The following CD274 variants were observed in gnomAD, a reference collection of about 807,000 sequenced individuals.
CD274 encodes the protein CD274 molecule, also known as programmed cell death 1 ligand 1.
In CD274, 8 loss-of-function variants were observed where a neutral mutation model predicts 30.1. The ratio of observed to expected loss-of-function variants is 0.27; its 90% CI spans 0.16 to 0.48. CD274 has a LOEUF of 0.48. CD274 is among the 20% of genes least tolerant of loss of function. The pLI, the probability that CD274 is intolerant of heterozygous loss-of-function variation, is 0.99. For synonymous variants in CD274, 152 were observed against 124.6 expected, an observed-to-expected ratio of 1.22 and a Z score of -1.46; for missense variants, 353 against 346.6, an observed-to-expected ratio of 1.02 and a Z score of -0.15.
chr9:5,459,541 A>G (rs1379938551), intron 3 of CD274, among the ~76,000 whole-genome samples: 1 of 152,214 alleles, frequency 6.6e-6, no homozygotes, highest in Non-Finnish European at 1.5e-5. Context: ...GTGTGGTAAC[A>G]TAGCTTCCCC....
chr9:5,452,387 C>T (rs1586760959), intron 1 of CD274, among the ~76,000 whole-genome samples: 2 of 152,196 alleles, frequency 1.3e-5, no homozygotes, highest in Non-Finnish European at 2.9e-5. Context: ...GTATTAGTTC[C>T]ATAGTGTTAT....
intron 1 of CD274, 99 bp downstream of exon 1, chr9:5,450,695 G>T (rs1270726676): frequency 6.6e-6 from 1 of 152,316 alleles, no homozygotes; most frequent in Non-Finnish European, 1.5e-5. Flanking sequence ...CTTTCTTTGG[G>T]ATGGAGAGAG....
chr9:5,453,497 A>G (rs907831553), intron 1 of CD274, among the ~76,000 whole-genome samples: 31 of 152,214 alleles, frequency 2.0e-4, no homozygotes, highest in Admixed American at 9.8e-4. Context: ...TAGGCACTCA[A>G]CGAATATTTG....
intron 1 of CD274, among the ~76,000 whole-genome samples, chr9:5,454,060 G>A (rs1248599893): frequency 2.0e-5 from 3 of 152,008 alleles, no homozygotes; most frequent in African/African-American, 4.8e-5. Flanking sequence ...AAAAATAAAC[G>A]AATGTTATTA....
intron 6 of CD274, among the ~76,000 whole-genome samples, chr9:5,467,495 C>T (rs1819516942): frequency 2.0e-5 from 3 of 152,110 alleles, no homozygotes; most frequent in Admixed American, 2.0e-4. Flanking sequence ...TAGTTAGAAA[C>T]CAAACTTAAC....
intron 6 of CD274, among the ~76,000 whole-genome samples, chr9:5,467,047 C>G (rs557943888): frequency 6.6e-6 from 1 of 152,180 alleles, no homozygotes; most frequent in African/African-American, 2.4e-5. Flanking sequence ...TTCTGTTGCC[C>G]TGCACCCTAG....
At chr9:5,450,736 G>T (rs927341864) in intron 1 of CD274, 140 bp downstream of exon 1, 1 of 152,344 alleles carries the variant, frequency 6.6e-6, no homozygotes, top group Non-Finnish European at 1.5e-5. Context: ...ATGGTCTAGG[G>T]GGCAGTAGAG....
At chr9:5,456,984 C>T (rs894490393) in intron 2 of CD274, 95 bp from the exon 3 acceptor site, 1 of 787,072 alleles carries the variant, frequency 1.3e-6, no homozygotes, top group African/African-American at 1.7e-5. Flanking sequence ...GATAACATAA[C>T]CGACCAGATA....
In CD274 at chr9:5,469,245, G is replaced by A. The variant is rs1171218371; in HGVS notation, c.*1383G>A. 4.3e-6 allele frequency: 1 copy of A among 232,710 alleles called. No individual in the cohort carries two copies. The highest frequency in any genetic ancestry group is 6.1e-5 in the East Asian group (1 of 16,514). 14.4% of individuals were successfully genotyped at this position (232,710 alleles called of 1,614,324 possible). A position where few individuals can be genotyped will look rare whatever the true frequency, so the allele number is the denominator to read the frequency against. Reference sequence around the variant, plus strand: ...GCCTTTGCCATATAATCTAATGCTTGTTTATATAGTGTCTGGTATTGTTTA... The same window carrying A: ...GCCTTTGCCATATAATCTAATGCTTATTTATATAGTGTCTGGTATTGTTTA... On this transcript the variant is annotated 3_prime_UTR_variant, in exon 7 of 7. Transcript: ENST00000381577.
chr9:5,467,128 G>A (rs1173562954), intron 6 of CD274, among the ~76,000 whole-genome samples: 2 of 152,090 alleles, frequency 1.3e-5, no homozygotes, highest in Non-Finnish European at 2.9e-5. Flanking sequence ...AATATTGTGT[G>A]TCAGTATTGT....
chr9:5,467,459 T>C (rs550138709), intron 6 of CD274, among the ~76,000 whole-genome samples: 1 of 152,332 alleles, frequency 6.6e-6, no homozygotes, highest in African/African-American at 2.4e-5. Flanking sequence ...AAGAAAGTTA[T>C]ATTAAGGTTT....
In CD274 at chr9:5,462,875, C is replaced by G; in HGVS notation, c.436C>G (p.Pro146Ala). Residue 146 changes from proline (P) to alanine (A), a missense_variant, in exon 4 of 7, where the codon CCA (proline) becomes GCA (alanine). Coordinates refer to ENST00000381577, the MANE Select transcript of CD274 (RefSeq NM_014143.4). ...CAACCAAAGAATTTTGGTTGTGGAT[C>G]CAGTCACCTCTGAACATGAACTGAC... is the stretch of plus-strand genomic sequence containing the variant. ...KINQRILVVD[P>A]VTSEHELTCQ... The G allele has an allele frequency of 6.2e-7, 1 of 1,613,876 alleles. No homozygotes were observed. The highest frequency in any genetic ancestry group is 8.5e-7 in the Non-Finnish European group (1 of 1,179,822).
At chr9:5,467,351 G>A (rs1331798208) in intron 6 of CD274, among the ~76,000 whole-genome samples, 1 of 152,132 alleles carries the variant, frequency 6.6e-6, no homozygotes, top group Non-Finnish European at 1.5e-5. Context: ...CCTAACCACA[G>A]ACCCTTACTC....
chr9:5,464,767 T>A (rs115052774), intron 4 of CD274, among the ~76,000 whole-genome samples: 134 of 152,272 alleles, frequency 8.8e-4, no homozygotes, highest in African/African-American at 3.1e-3. Context: ...TGCCATGTAC[T>A]GTAGGCTACT....
At chr9:5,457,469 C>G (rs2131213308) in intron 3 of CD274, 49 bp downstream of exon 3, 2 of 1,470,254 alleles carry the variant, frequency 1.4e-6, no homozygotes, top group Non-Finnish European at 1.9e-6. Context: ...AAAACATATT[C>G]CAAGTGTTGA....
rs2131208723 is a variant in CD274 at position 5,456,140 on chromosome 9, C to T, written c.27C>T (p.Phe9=). ...TGAGGATATTTGCTGTCTTTATATT[C>T]ATGACCTACTGGCATTTGCTGAACG... The part of the protein sequence containing the change: MRIFAVFI[F]MTYWHLLNAF... The change falls in exon 2 of 7, where the codon TTC becomes TTT. Residue 9 remains phenylalanine, a synonymous_variant. Coordinates refer to ENST00000381577, the MANE Select transcript of CD274 (RefSeq NM_014143.4). The T allele has an allele frequency of 6.2e-7, 1 of 1,609,368 alleles. No individual in the cohort carries two copies. Among genetic ancestry groups the T allele is most frequent in the Non-Finnish European group, 8.5e-7 (1 of 1,175,958 alleles).
intron 6 of CD274, among the ~76,000 whole-genome samples, chr9:5,467,632 C>T (rs1234976195): frequency 2.0e-5 from 3 of 152,116 alleles, no homozygotes; most frequent in Admixed American, 6.5e-5. Flanking sequence ...TGCTGGGGGA[C>T]AAGCCATCCC....
chr9:5,460,991 T>G (rs1002302147), intron 3 of CD274, among the ~76,000 whole-genome samples: 9 of 152,178 alleles, frequency 5.9e-5, no homozygotes, highest in Non-Finnish European at 1.2e-4. Context: ...AAACAGACAT[T>G]TTAAGAGGTT....
Position 5,468,853 on chromosome 9 carries a change from CT to C in CD274, c.*995del. ...CAGCTATATTTTACTTTAAGCAATT[CT>C]TTTATTCAAAAACCATTTATTAAGT... On this transcript the variant is annotated 3_prime_UTR_variant, in exon 7 of 7. Coordinates refer to ENST00000381577, the MANE Select transcript of CD274 (RefSeq NM_014143.4). The C allele has an allele frequency of 4.3e-6, 1 of 233,088 alleles. No individual in the cohort carries two copies. Among genetic ancestry groups the C allele is most frequent in the Non-Finnish European group, 8.5e-6 (1 of 117,906 alleles). 14.4% of individuals were successfully genotyped at this position (233,088 alleles called of 1,614,324 possible).
Sources: allele counts gnomAD v4.1 joint callset (sites outside exome capture counted in the v4.1 genomes callset), GRCh38; gene constraint gnomAD v4.1.1; transcripts MANE v1.5; gene names NCBI Gene and HGNC (gene_info 2026-07-23, HGNC 2026-07-21).